EYS: variants seen among roughly 807,000 people sequenced by gnomAD.
EYS encodes protein eyes shut homolog.
EYS carries 250 observed loss-of-function variants against 282.1 expected under a neutral mutation model. The observed-to-expected ratio is 0.89, with a 90% CI of 0.80 to 0.98. EYS has a LOEUF of 0.98. Ranked by LOEUF, EYS falls within the 50% of genes least tolerant of loss-of-function variation. The pLI is 0.00. For synonymous variants in EYS, 1,355 were observed against 1,282.9 expected, an observed-to-expected ratio of 1.06 and a Z score of -1.20; for missense variants, 4,016 against 3,709.0, an observed-to-expected ratio of 1.08 and a Z score of -2.15.
chr6:64,555,667 G>A (rs1198889602), intron 26 of EYS, among the ~76,000 whole-genome samples: 3 of 151,480 alleles, frequency 2.0e-5, no homozygotes, highest in Admixed American at 6.6e-5. Context: ...AATACAGATG[G>A]CAAATATGCA....
At chr6:64,251,644 T>C (rs935956602) in intron 30 of EYS, among the ~76,000 whole-genome samples, 2 of 152,186 alleles carry the variant, frequency 1.3e-5, no homozygotes, top group African/African-American at 4.8e-5. Context: ...TCTTATTTGT[T>C]TTACTATAAA....
chr6:64,212,787 C>T (rs1188381631), intron 31 of EYS, among the ~76,000 whole-genome samples: 4 of 151,994 alleles, frequency 2.6e-5, no homozygotes, highest in African/African-American at 9.7e-5. Context: ...ATAAATGATT[C>T]TATTATAAAG....
chr6:64,121,474 CTG>C (rs1260231652), intron 31 of EYS, among the ~76,000 whole-genome samples: 1 of 152,208 alleles, frequency 6.6e-6, no homozygotes. Flanking sequence ...GAGCTAACAG[CTG>C]TCTAATTTAA....
At chr6:65,688,651 T>C (rs1769120421) in intron 1 of EYS, among the ~76,000 whole-genome samples, 1 of 152,092 alleles carries the variant, frequency 6.6e-6, no homozygotes, top group Non-Finnish European at 1.5e-5. Flanking sequence ...ATCCAGAATC[T>C]ACAATGAACT....
intron 30 of EYS, among the ~76,000 whole-genome samples, chr6:64,286,488 A>G (rs1768505859): frequency 6.6e-6 from 1 of 152,240 alleles, no homozygotes; most frequent in Non-Finnish European, 1.5e-5. Context: ...ATATTTATGT[A>G]GTAATATTTA....
intron 13 of EYS, among the ~76,000 whole-genome samples, chr6:65,057,176 A>G (rs1773442041): frequency 6.6e-6 from 1 of 152,034 alleles, no homozygotes; most frequent in South Asian, 2.1e-4. Context: ...GAGAAAAAAT[A>G]CAATTCCTGA....
intron 26 of EYS, among the ~76,000 whole-genome samples, chr6:64,480,916 C>T (rs754110952): frequency 2.2e-4 from 33 of 151,750 alleles, no homozygotes; most frequent in Admixed American, 5.9e-4. Flanking sequence ...TGATTATTGT[C>T]ATCAGACTTT....
At chr6:64,135,973 T>C (rs1423022353) in intron 31 of EYS, among the ~76,000 whole-genome samples, 1 of 152,100 alleles carries the variant, frequency 6.6e-6, no homozygotes, top group Non-Finnish European at 1.5e-5. Flanking sequence ...CTCTATAGCA[T>C]GTGATGCAGT....
intron 19 of EYS, among the ~76,000 whole-genome samples, chr6:64,849,800 C>T (rs996438296): frequency 4.0e-5 from 6 of 151,838 alleles, no homozygotes; most frequent in South Asian, 2.1e-4. Flanking sequence ...GTAGTGCCCC[C>T]CATCTTTAAT....
chr6:64,253,178 TA>T (rs1366511619), intron 30 of EYS, among the ~76,000 whole-genome samples: 2 of 152,164 alleles, frequency 1.3e-5, no homozygotes, highest in African/African-American at 2.4e-5. Context: ...TAGTTTAAAT[TA>T]AAATTTAATA....
chr6:64,797,376 C>T (rs1774387702), intron 22 of EYS, among the ~76,000 whole-genome samples: 1 of 151,964 alleles, frequency 6.6e-6, no homozygotes, highest in Non-Finnish European at 1.5e-5. Context: ...TTAACAGACA[C>T]TTTATGCCTG....
chr6:64,184,471 T>G (rs1049587066), intron 31 of EYS, among the ~76,000 whole-genome samples: 7 of 151,998 alleles, frequency 4.6e-5, no homozygotes, highest in Admixed American at 4.6e-4. Flanking sequence ...CTTCTGTAAG[T>G]AAGAAAAAGC....
intron 35 of EYS, among the ~76,000 whole-genome samples, chr6:63,885,351 G>A (rs1773237404): frequency 6.6e-6 from 1 of 152,064 alleles, no homozygotes; most frequent in African/African-American, 2.4e-5. Flanking sequence ...TTTGGTGTTT[G>A]CTTCATTTTA....
At chr6:64,499,542 C>A (rs759876473) in intron 26 of EYS, among the ~76,000 whole-genome samples, 4 of 152,094 alleles carry the variant, frequency 2.6e-5, no homozygotes, top group Non-Finnish European at 5.9e-5. Context: ...GACTTTTGCA[C>A]TGTTTTAGTG....
At chr6:64,291,668 C>T (rs1562290285) in intron 30 of EYS, among the ~76,000 whole-genome samples, 1 of 151,974 alleles carries the variant, frequency 6.6e-6, no homozygotes, top group African/African-American at 2.4e-5. Flanking sequence ...CAACATATAA[C>T]AAAAGTCTAT....
rs542931904 is a variant in EYS at position 65,696,664 on chromosome 6, T to C, written c.-448+10471A>G. Among the ~76,000 whole-genome samples, 4 of 152,134 alleles carry C rather than the reference T, an allele frequency of 2.6e-5. No individual in the cohort carries two copies. The East Asian group carries it at 5.8e-4, about 22-fold the overall frequency. On this transcript the variant is annotated intron_variant, in intron 1 of 42. Coordinates refer to ENST00000503581, the MANE Select transcript of EYS (RefSeq NM_001142800.2). ...ATACATAAAAGTATCGTATAAATTA[T>C]CTCACTGGTAAGGTAAGGCGGTACT... is the stretch of plus-strand genomic sequence containing the variant.
At chr6:64,631,008 T>A (rs1403391797) in intron 22 of EYS, among the ~76,000 whole-genome samples, 1 of 152,192 alleles carries the variant, frequency 6.6e-6, no homozygotes, top group Non-Finnish European at 1.5e-5. Context: ...TTACCCAACT[T>A]GTTTATACAA....
At chr6:65,267,704 TC>T (rs1383716936) in intron 12 of EYS, among the ~76,000 whole-genome samples, 1 of 152,000 alleles carries the variant, frequency 6.6e-6, no homozygotes, top group Non-Finnish European at 1.5e-5. Flanking sequence ...TTGGTAACTA[TC>T]ATGCAACCAG....
chr6:64,638,257 C>T (rs4431409), intron 22 of EYS, among the ~76,000 whole-genome samples: 27,404 of 90,768 alleles, frequency 0.3, 11,257 homozygotes, highest in South Asian at 0.46. Flanking sequence ...AGGGACAGAA[C>T]TAAACTTTAA....
Sources: allele counts gnomAD v4.1 joint callset (sites outside exome capture counted in the v4.1 genomes callset), GRCh38; gene constraint gnomAD v4.1.1; transcripts MANE v1.5; gene names NCBI Gene and HGNC (gene_info 2026-07-23, HGNC 2026-07-21).